The following HYDIN variants were observed in gnomAD, a reference collection of about 807,000 sequenced individuals.
The protein encoded by HYDIN is axonemal central pair apparatus protein HYDIN.
A neutral mutation model predicts 403.9 loss-of-function variants in HYDIN; 132 were observed. The ratio of observed to expected loss-of-function variants is 0.33; its 90% CI spans 0.28 to 0.38. The LOEUF (loss-of-function observed/expected upper bound fraction) is 0.38. Among genes scored for constraint, HYDIN ranks in the 10% least tolerant of loss-of-function variants. HYDIN has a pLI of 1.00. For missense variants in HYDIN, 2,827 were observed against 5,009.5 expected, an observed-to-expected ratio of 0.56 and a Z score of 13.15; for synonymous variants, 1,202 against 1,891.7, an observed-to-expected ratio of 0.64 and a Z score of 9.46.
chr16:70,808,203 T>G, intron 85 of HYDIN, 141 bp from the exon 86 acceptor site: 2 of 948,276 alleles, frequency 2.1e-6, no homozygotes, highest in South Asian at 3.5e-5. Flanking sequence ...AGTTGTGTCC[T>G]TATAACTCCC....
chr16:70,996,172 T>A (rs2079526224), intron 23 of HYDIN, among the ~76,000 whole-genome samples: 1 of 152,060 alleles, frequency 6.6e-6, no homozygotes, highest in East Asian at 1.9e-4. Flanking sequence ...TGAAATCACA[T>A]CTTCCCCTAG....
rs752524228 is a variant in HYDIN at position 71,115,752 on chromosome 16, T to G, written c.1271A>C (p.Tyr424Ser). Residue 424 changes from tyrosine to serine, a missense_variant, in exon 10 of 86, where the codon TAC (tyrosine) becomes TCC (serine). Coordinates refer to ENST00000393567, the MANE Select transcript of HYDIN (RefSeq NM_001270974.2). ...WPNSSAEITV[Y>S]FNPLEAKLYQ... ...GAGCTTGGCTTCTAGTGGGTTAAAGTACACGGTGATTTCAGCTGATGAGTT... is the reference window on the plus strand; with the variant it reads ...GAGCTTGGCTTCTAGTGGGTTAAAGGACACGGTGATTTCAGCTGATGAGTT... The G allele has an allele frequency of 1.3e-5, 14 of 1,097,694 alleles. No individual in the cohort carries two copies. Among genetic ancestry groups the G allele is most frequent in the Middle Eastern group, 2.0e-4 (1 of 5,024 alleles). The allele number at this position is 1,097,694 out of a possible 1,614,324, so 68.0% of individuals were successfully genotyped here. A position where few individuals can be genotyped will look rare whatever the true frequency, so the allele number is the denominator to read the frequency against.
chr16:70,864,146 C>T (rs1328743563), intron 67 of HYDIN, among the ~76,000 whole-genome samples: 4 of 151,712 alleles, frequency 2.6e-5, no homozygotes, highest in African/African-American at 9.7e-5. Context: ...GCTTGGCCAA[C>T]ATAGTGAAAC....
chr16:70,922,472 G>A (rs1024337927), intron 45 of HYDIN, among the ~76,000 whole-genome samples: 2 of 152,172 alleles, frequency 1.3e-5, no homozygotes, highest in African/African-American at 4.8e-5. Context: ...TCAAACACAC[G>A]TGGAACATTT....
chr16:70,960,335 T>C (rs1200283423), intron 38 of HYDIN, among the ~76,000 whole-genome samples: 2 of 150,070 alleles, frequency 1.3e-5, no homozygotes. Context: ...TGATTACATA[T>C]TGTCTTTGTC....
intron 36 of HYDIN, among the ~76,000 whole-genome samples, chr16:70,967,180 G>C (rs1449150922): frequency 6.6e-6 from 1 of 152,206 alleles, no homozygotes; most frequent in African/African-American, 2.4e-5. Flanking sequence ...GGGAGCATGA[G>C]ATGTGGATTT....
In HYDIN at chr16:71,184,875, G is replaced by A. The variant is rs745379240; in HGVS notation, c.251C>T (p.Thr84Ile). ...IIELLDMGET[T>I]HQKFSGIDLD... ...ACAGAGAGCAGCTACCTTCTGATGT[G>A]TTGTTTCCCCCATATCTAAGAGTTC... Residue 84 changes from threonine (T) to isoleucine (I), a missense_variant, in exon 3 of 86, where the codon ACA becomes ATA. Transcript: ENST00000393567. The A allele has an allele frequency of 1.9e-6, 3 of 1,604,140 alleles. No individual in the cohort carries two copies. Among genetic ancestry groups the A allele is most frequent in the Non-Finnish European group, 2.6e-6 (3 of 1,173,654 alleles).
intron 3 of HYDIN, among the ~76,000 whole-genome samples, chr16:71,184,236 C>T (rs2087031621): frequency 6.6e-6 from 1 of 152,080 alleles, no homozygotes; most frequent in Non-Finnish European, 1.5e-5. Flanking sequence ...AGAGGTTAAT[C>T]TCCCCAGCAG....
At chr16:70,978,509 A>C (rs1326599047) in intron 30 of HYDIN, among the ~76,000 whole-genome samples, 1 of 151,782 alleles carries the variant, frequency 6.6e-6, no homozygotes, top group Non-Finnish European at 1.5e-5. Flanking sequence ...TCAGCTTCTA[A>C]AAAAACTGAT....
intron 20 of HYDIN, among the ~76,000 whole-genome samples, chr16:71,026,803 A>T (rs1449810035): frequency 1.3e-5 from 2 of 152,204 alleles, no homozygotes; most frequent in African/African-American, 4.8e-5. Context: ...CTAGCTTTCC[A>T]GCTGTGTCTA....
At chr16:71,062,466 G>A (rs1453703988) in intron 16 of HYDIN, 133 bp from the exon 17 acceptor site, 1 of 664,046 alleles carries the variant, frequency 1.5e-6, no homozygotes, top group Non-Finnish European at 2.5e-6. Context: ...AAGTAAATAG[G>A]GATGAGCACC....
At chr16:71,073,855 C>T (rs1373483515) in intron 13 of HYDIN, among the ~76,000 whole-genome samples, 1 of 152,124 alleles carries the variant, frequency 6.6e-6, no homozygotes, top group Non-Finnish European at 1.5e-5. Context: ...TCTCATGCTA[C>T]TGCAGCTGTA....
At chr16:71,023,980 G>C (rs1449345256) in intron 21 of HYDIN, among the ~76,000 whole-genome samples, 1 of 152,134 alleles carries the variant, frequency 6.6e-6, no homozygotes, top group Non-Finnish European at 1.5e-5. Flanking sequence ...CACACTGTGG[G>C]GCAGTGACTT....
At chr16:71,220,552 T>C (rs74025906) in intron 1 of HYDIN, among the ~76,000 whole-genome samples, 35 of 152,360 alleles carry the variant, frequency 2.3e-4, no homozygotes, top group African/African-American at 8.2e-4. Context: ...TGCATGTATA[T>C]ATTCTTCAGC....
chr16:70,833,583 A>C (rs1597073541), intron 79 of HYDIN, among the ~76,000 whole-genome samples: 1 of 133,314 alleles, frequency 7.5e-6, no homozygotes, highest in Non-Finnish European at 1.6e-5. Flanking sequence ...GCACTCGCTT[A>C]TCTGTGAAAT....
At chr16:71,041,677 C>G (rs1326188425) in intron 18 of HYDIN, among the ~76,000 whole-genome samples, 1 of 152,180 alleles carries the variant, frequency 6.6e-6, no homozygotes, top group Admixed American at 6.5e-5. Context: ...ATAAAAAATT[C>G]AGAAGATACA....
intron 1 of HYDIN, among the ~76,000 whole-genome samples, chr16:71,196,961 G>A (rs566075114): frequency 1.3e-5 from 2 of 152,246 alleles, no homozygotes; most frequent in South Asian, 2.1e-4. Flanking sequence ...AGCCCTCAGG[G>A]GTGCTCTGCC....
At chr16:70,871,506 A>G (rs1433195095) in intron 65 of HYDIN, among the ~76,000 whole-genome samples, 2 of 152,200 alleles carry the variant, frequency 1.3e-5, no homozygotes, top group Non-Finnish European at 2.9e-5. Context: ...TCAAAAAAAA[A>G]ATGTGTGTTG....
chr16:71,094,533 G>A (rs2083214862), intron 10 of HYDIN, among the ~76,000 whole-genome samples: 1 of 151,974 alleles, frequency 6.6e-6, no homozygotes, highest in Admixed American at 6.6e-5. Flanking sequence ...CAAAAACCAT[G>A]ATGGGTCACC....
Sources: gnomAD v4.1 joint callset for allele counts (sites outside exome capture counted in the v4.1 genomes callset) on GRCh38, gnomAD v4.1.1 for gene constraint, MANE v1.5 for transcripts, NCBI Gene and HGNC (gene_info 2026-07-23, HGNC 2026-07-21) for gene names.